LCLAT1: variants seen among roughly 807,000 people sequenced by gnomAD.
LCLAT1 encodes lysocardiolipin acyltransferase 1, also known as 1-AGP acyltransferase 8.
Under a neutral mutation model 30.7 loss-of-function variants are expected in LCLAT1, and 11 were observed. The ratio of observed to expected loss-of-function variants is 0.36; its 90% confidence interval spans 0.23 to 0.59. LCLAT1 has a LOEUF of 0.59. Among genes scored for constraint, LCLAT1 ranks in the 20% least tolerant of loss-of-function variants. The pLI is 0.77. For synonymous variants in LCLAT1, 155 were observed against 151.3 expected, an observed-to-expected ratio of 1.02 and a Z score of -0.18; for missense variants, 402 against 458.6, an observed-to-expected ratio of 0.88 and a Z score of 1.13.
intron 5 of LCLAT1, among the ~76,000 whole-genome samples, chr2:30,611,241 C>T (rs796078550): frequency 3.9e-5 from 6 of 152,104 alleles, no homozygotes; most frequent in African/African-American, 1.4e-4. Flanking sequence ...CATGATAAAG[C>T]TACATGAATT....
Position 30,467,472 on chromosome 2 carries a change from C to G in LCLAT1, c.-5+20089C>G, listed in dbSNP as rs1245987756. Among the ~76,000 whole-genome samples, 3 of 152,320 alleles carry G rather than the reference C, an allele frequency of 2.0e-5. No individual in the cohort carries two copies. The East Asian group carries it at 5.8e-4, about 29-fold the overall frequency. ...ATACCCAGTAATGGGATGGCTGGGT[C>G]AAATGGTATTTCTAGCTGTAGATCC... On this transcript the variant is annotated intron_variant, in intron 1 of 5. Transcript: ENST00000379509.
intron 1 of LCLAT1, among the ~76,000 whole-genome samples, chr2:30,470,867 T>C (rs829565): frequency 0.88 from 133,359 of 151,750 alleles, 59,031 homozygotes; most frequent in African/African-American, 0.97. Flanking sequence ...GCCATGTTAA[T>C]AGTATTGTCT....
At position 30,551,264 on chromosome 2, in the gene LCLAT1, C is replaced by T. The variant is rs545022242; in HGVS notation, c.365-10882C>T. Reference sequence around the variant, plus strand: ...TCACGCCAACCTCCTGCCTTGGCTTCCCAAAGTGCTGAGATTATAGGCATG... The same window carrying T: ...TCACGCCAACCTCCTGCCTTGGCTTTCCAAAGTGCTGAGATTATAGGCATG... On this transcript the variant is annotated intron_variant, in intron 3 of 5. Coordinates refer to ENST00000379509, the MANE Select transcript of LCLAT1 (RefSeq NM_001002257.3). 5.3e-5 allele frequency among the ~76,000 whole-genome samples: 8 copies of T among 152,296 alleles called. No homozygotes were observed. The South Asian group carries it at 1.7e-3, about 32-fold the overall frequency.
intron 4 of LCLAT1, among the ~76,000 whole-genome samples, chr2:30,567,821 G>A (rs1447061773): frequency 6.6e-6 from 1 of 152,110 alleles, no homozygotes; most frequent in Admixed American, 6.5e-5. Flanking sequence ...ACCAAACTTG[G>A]CCTCTTGTGT....
At chr2:30,504,249 TA>T (rs1684552104) in intron 1 of LCLAT1, among the ~76,000 whole-genome samples, 1 of 151,854 alleles carries the variant, frequency 6.6e-6, no homozygotes, top group African/African-American at 2.4e-5. Flanking sequence ...TATGGGCTCA[TA>T]TTTTGTGTAG....
intron 3 of LCLAT1, among the ~76,000 whole-genome samples, chr2:30,545,818 C>T (rs538254863): frequency 6.6e-6 from 1 of 152,084 alleles, no homozygotes; most frequent in African/African-American, 2.4e-5. Context: ...GCCAACTGTA[C>T]GTACCCAACT....
At chr2:30,629,341 C>T (rs1320204004) in intron 5 of LCLAT1, among the ~76,000 whole-genome samples, 1 of 152,166 alleles carries the variant, frequency 6.6e-6, no homozygotes, top group South Asian at 2.1e-4. Flanking sequence ...AGGTGGATCA[C>T]CTGAGGTCCG....
intron 1 of LCLAT1, among the ~76,000 whole-genome samples, chr2:30,450,437 T>TG (rs1681489884): frequency 6.6e-6 from 1 of 152,130 alleles, no homozygotes; most frequent in Non-Finnish European, 1.5e-5. Context: ...CTGCGGGCAG[T>TG]GGGAACTGTA....
At chr2:30,468,008 C>T (rs920779352) in intron 1 of LCLAT1, among the ~76,000 whole-genome samples, 2 of 152,124 alleles carry the variant, frequency 1.3e-5, no homozygotes, top group African/African-American at 4.8e-5. Flanking sequence ...ACATGAAGTC[C>T]TTGCCCATGC....
chr2:30,639,874 C>A (rs1366055817), intron 5 of LCLAT1, among the ~76,000 whole-genome samples: 1 of 152,104 alleles, frequency 6.6e-6, no homozygotes, highest in Non-Finnish European at 1.5e-5. Flanking sequence ...ACTGTTTCTG[C>A]AAATGAAGAT....
At chr2:30,574,260 A>T (rs1357863695) in intron 5 of LCLAT1, among the ~76,000 whole-genome samples, 1 of 152,180 alleles carries the variant, frequency 6.6e-6, no homozygotes, top group Non-Finnish European at 1.5e-5. Flanking sequence ...AAAACATGTT[A>T]TAAGTTTCTA....
At position 30,640,529 on chromosome 2, in the gene LCLAT1, G is replaced by C; in HGVS notation, c.1041G>C (p.Glu347Asp). 6.2e-7 allele frequency: 1 copy of C among 1,614,144 alleles called. No individual in the cohort carries two copies. Among genetic ancestry groups the C allele is most frequent in the African/African-American group, 1.3e-5 (1 of 75,036 alleles). The change falls in exon 6 of 6, where the codon GAG becomes GAC. Residue 347 changes from glutamate (E) to aspartate (D), a missense_variant. Glu to Asp is a conservative substitution (Grantham distance 45). Coordinates refer to ENST00000379509, the MANE Select transcript of LCLAT1 (RefSeq NM_001002257.3). The stretch of plus-strand genomic sequence containing the variant: ...CCATTGTAATCTTTGTGCTGCAAGA[G>C]AGAATATTTGGTGGACTGGAGATCA... ...IITIVIFVLQERIFGGLEIIE... is the reference protein window; with the variant it reads ...IITIVIFVLQDRIFGGLEIIE...
At chr2:30,572,499 G>T (rs936142456) in intron 5 of LCLAT1, among the ~76,000 whole-genome samples, 2 of 152,128 alleles carry the variant, frequency 1.3e-5, no homozygotes, top group South Asian at 4.1e-4. Flanking sequence ...CCATTCATAC[G>T]TATCCCCTAA....
intron 5 of LCLAT1, among the ~76,000 whole-genome samples, chr2:30,636,717 A>C (rs905832114): frequency 6.6e-6 from 1 of 152,204 alleles, no homozygotes; most frequent in Non-Finnish European, 1.5e-5. Flanking sequence ...GATCATCAAG[A>C]AGAAGGAAGA....
At chr2:30,552,963 TTGTC>T (rs1253828398) in intron 3 of LCLAT1, among the ~76,000 whole-genome samples, 6 of 152,216 alleles carry the variant, frequency 3.9e-5, no homozygotes, top group African/African-American at 7.2e-5. Context: ...GAAGGAGCAG[TTGTC>T]TGTCTTTCTT....
intron 5 of LCLAT1, among the ~76,000 whole-genome samples, chr2:30,637,721 G>C (rs957818584): frequency 1.3e-5 from 2 of 152,174 alleles, no homozygotes; most frequent in African/African-American, 4.8e-5. Context: ...GAGATTACAA[G>C]CGTGCGCCAC....
chr2:30,478,107 G>C (rs923616368), intron 1 of LCLAT1, among the ~76,000 whole-genome samples: 7 of 148,234 alleles, frequency 4.7e-5, no homozygotes, highest in Admixed American at 4.7e-4. Context: ...GCCAGTTACA[G>C]AAGCATTTGG....
chr2:30,560,964 G>A (rs1054956360), intron 3 of LCLAT1, among the ~76,000 whole-genome samples: 1 of 151,986 alleles, frequency 6.6e-6, no homozygotes, highest in Non-Finnish European at 1.5e-5. Flanking sequence ...TTTTTGAGAT[G>A]GAGTTTCACT....
At chr2:30,554,746 AAT>A (rs1664837210) in intron 3 of LCLAT1, among the ~76,000 whole-genome samples, 1 of 152,192 alleles carries the variant, frequency 6.6e-6, no homozygotes, top group Non-Finnish European at 1.5e-5. Flanking sequence ...GAAGATTAAG[AAT>A]ATGATTTTTG....
Sources: gnomAD v4.1 joint callset for allele counts (sites outside exome capture counted in the v4.1 genomes callset) on GRCh38, gnomAD v4.1.1 for gene constraint, MANE v1.5 for transcripts, NCBI Gene and HGNC (gene_info 2026-07-23, HGNC 2026-07-21) for gene names.